KIF15: variants seen among roughly 807,000 people sequenced by gnomAD.
KIF15 encodes the protein kinesin family member 15, also known as kinesin-like protein KIF15.
A neutral mutation model predicts 190.6 loss-of-function variants in KIF15; 140 were observed. The ratio of observed to expected loss-of-function variants is 0.73; its 90% CI spans 0.64 to 0.84. The LOEUF (loss-of-function observed/expected upper bound fraction) is 0.84. Ranked by LOEUF, KIF15 falls within the 40% of genes least tolerant of loss-of-function variation. The probability of loss-of-function intolerance (pLI) is 0.00; values close to 1 mark genes in which losing one functional copy is unlikely to be tolerated. For synonymous variants in KIF15, 528 were observed against 551.3 expected (o/e 0.96, Z 0.59); for missense variants, 1,372 against 1,584.4 (o/e 0.87, Z 2.28).
At chr3:44,804,861 C>T (rs1358579825) in intron 14 of KIF15, among the ~76,000 whole-genome samples, 166 bp from the exon 15 acceptor site, 1 of 152,028 alleles carries the variant, frequency 6.6e-6, no homozygotes, top group Non-Finnish European at 1.5e-5. Context: ...GTAGTCCCAA[C>T]TATTTGGGAG....
intron 30 of KIF15, among the ~76,000 whole-genome samples, chr3:44,845,970 C>T (rs1698830340): frequency 6.6e-6 from 1 of 152,204 alleles, no homozygotes; most frequent in Non-Finnish European, 1.5e-5. Flanking sequence ...CCCAACTCCC[C>T]TGGATACATT....
At chr3:44,860,675 T>C (rs1699231856) in intron 6 of KIF15, among the ~76,000 whole-genome samples, 1 of 151,776 alleles carries the variant, frequency 6.6e-6, no homozygotes, top group East Asian at 1.9e-4. Flanking sequence ...CCTGGCCTTA[T>C]CCGTGCTTTT....
intron 20 of KIF15, among the ~76,000 whole-genome samples, chr3:44,821,543 G>A (rs1017401234): frequency 2.7e-5 from 4 of 150,726 alleles, no homozygotes; most frequent in Non-Finnish European, 5.9e-5. Flanking sequence ...GGGCAGAGAC[G>A]CTCCTCACTT....
At position 44,797,858 on chromosome 3, in the gene KIF15, A is replaced by G. The variant is rs529638960; in HGVS notation, c.1000A>G (p.Thr334Ala). Reference sequence around the variant, plus strand: ...GGATTCCCTTGGAGGTAATGCCAAAACAGCCATAATTGCAAATGTTCATCC... The same window carrying G: ...GGATTCCCTTGGAGGTAATGCCAAAGCAGCCATAATTGCAAATGTTCATCC... ...LRDSLGGNAK[T>A]AIIANVHPGS... Residue 334 changes from threonine (T) to alanine (A), a missense_variant, in exon 10 of 35, where the codon ACA becomes GCA. Coordinates refer to ENST00000326047, the MANE Select transcript of KIF15 (RefSeq NM_020242.3). The G allele has an allele frequency of 1.9e-6, 3 of 1,613,684 alleles. No individual in the cohort carries two copies. Among genetic ancestry groups the G allele is most frequent in the South Asian group, 1.1e-5 (1 of 91,022 alleles).
chr3:44,780,981 A>G, intron 5 of KIF15, 59 bp downstream of exon 5: 1 of 1,251,312 alleles, frequency 8.0e-7, no homozygotes, highest in Non-Finnish European at 1.1e-6. Context: ...ACAGTAACCT[A>G]CAACATTTTG....
Position 44,805,158 on chromosome 3 carries a change from G to T in KIF15, c.1819G>T (p.Glu607Ter). ...AAAGCAAGAATATGAAGAATTCAAA[G>T]AACTTACTAGGTAAAGTCTAAATAC... ...NSKQEYEEFKELTRKRQLELE... is the reference protein window; with the variant it reads ...NSKQEYEEFK Residue 607 changes from glutamate to a stop codon, truncating the protein, a stop_gained, in exon 15 of 35, where the codon GAA becomes TAA. Transcript: ENST00000326047. LOFTEE classifies it high-confidence loss of function. 1 of 1,610,550 alleles carries T rather than the reference G, an allele frequency of 6.2e-7. No individual in the cohort carries two copies.
At chr3:44,803,918 C>A (rs1365174449) in intron 14 of KIF15, among the ~76,000 whole-genome samples, 2 of 152,046 alleles carry the variant, frequency 1.3e-5, no homozygotes, top group African/African-American at 4.8e-5. Context: ...GTGGTGCGAT[C>A]TCGGCTCACT....
intron 7 of KIF15, among the ~76,000 whole-genome samples, chr3:44,790,704 T>C (rs1386143233): frequency 6.9e-6 from 1 of 144,510 alleles, no homozygotes; most frequent in African/African-American, 2.6e-5. Flanking sequence ...TCTTTTTTTT[T>C]TTTTTTTTTT....
At chr3:44,820,261 T>C (rs1168904532) in intron 20 of KIF15, among the ~76,000 whole-genome samples, 3 of 152,172 alleles carry the variant, frequency 2.0e-5, no homozygotes, top group African/African-American at 7.2e-5. Flanking sequence ...AATATTGTTA[T>C]GTGTGAATTT....
At chr3:44,843,868 A>T (rs185966161) in intron 30 of KIF15, among the ~76,000 whole-genome samples, 1 of 152,218 alleles carries the variant, frequency 6.6e-6, no homozygotes, top group Non-Finnish European at 1.5e-5. Context: ...AATGAAGAAA[A>T]TGTTCATTTT....
intron 16 of KIF15, among the ~76,000 whole-genome samples, chr3:44,809,058 C>T (rs1319374558): frequency 6.6e-6 from 1 of 152,164 alleles, no homozygotes; most frequent in African/African-American, 2.4e-5. Flanking sequence ...AGCTGAAGCT[C>T]CCTCCTAGTG....
intron 23 of KIF15, 27 bp from the exon 24 acceptor site, chr3:44,828,187 T>C: frequency 6.5e-7 from 1 of 1,541,488 alleles, no homozygotes; most frequent in Non-Finnish European, 9.0e-7. Context: ...TAATTATTCT[T>C]CTAAAAATAT....
chr3:44,827,300 G>A (rs930228823), intron 22 of KIF15, 159 bp from the exon 23 acceptor site: 8 of 573,966 alleles, frequency 1.4e-5, no homozygotes, highest in Non-Finnish European at 2.5e-5. Flanking sequence ...AATTTTTGAA[G>A]AAATGGGTTC....
At chr3:44,834,660 C>T (rs1278180879) in intron 26 of KIF15, among the ~76,000 whole-genome samples, 4 of 151,924 alleles carry the variant, frequency 2.6e-5, no homozygotes, top group African/African-American at 4.8e-5. Flanking sequence ...CTGTGGCTCA[C>T]GCCTGTAATC....
intron 29 of KIF15, among the ~76,000 whole-genome samples, 175 bp downstream of exon 29, chr3:44,841,413 T>G (rs1286099061): frequency 2.6e-5 from 4 of 151,814 alleles, no homozygotes; most frequent in Non-Finnish European, 5.9e-5. Context: ...TTGTTTTTTT[T>G]TTGAGACGGA....
intron 6 of KIF15, chr3:44,863,298 G>GCACCCCCCC (rs1699280146): frequency 2.6e-5 from 1 of 38,726 alleles, no homozygotes; most frequent in Non-Finnish European, 5.7e-5. Context: ...TTTAGATTCC[G>GCACCCCCCC]CACCCCCCCC....
At chr3:44,781,702 A>G (rs1440987316) in intron 5 of KIF15, among the ~76,000 whole-genome samples, 1 of 152,232 alleles carries the variant, frequency 6.6e-6, no homozygotes, top group Non-Finnish European at 1.5e-5. Flanking sequence ...TATACTTGAA[A>G]TTGTCAATTT....
intron 4 of KIF15, among the ~76,000 whole-genome samples, chr3:44,779,155 C>T (rs1363066669): frequency 2.0e-5 from 3 of 152,084 alleles, no homozygotes; most frequent in Non-Finnish European, 4.4e-5. Flanking sequence ...CCAATGGGCC[C>T]TCCTTGAGGT....
chr3:44,805,134 A>G lies in KIF15; in HGVS notation c.1795A>G (p.Lys599Glu). The change falls in exon 15 of 35, where the codon AAG (lysine) becomes GAG (glutamate). Residue 599 changes from lysine (K) to glutamate (E), a missense_variant. By Grantham distance (56) the Lys-to-Glu change is moderately conservative (BLOSUM62 1). Coordinates refer to ENST00000326047, the MANE Select transcript of KIF15 (RefSeq NM_020242.3). Reference sequence around the variant, plus strand: ...AATTCAGACAGAGCTGAATAATTCAAAGCAAGAATATGAAGAATTCAAAGA... The same window carrying G: ...AATTCAGACAGAGCTGAATAATTCAGAGCAAGAATATGAAGAATTCAAAGA... ...LQIQTELNNS[K>E]QEYEEFKELT... is the part of the protein sequence containing the mutation. 6.2e-7 allele frequency: 1 copy of G among 1,613,166 alleles called. No homozygotes were observed.
Sources: allele counts gnomAD v4.1 joint callset (sites outside exome capture counted in the v4.1 genomes callset), GRCh38; gene constraint gnomAD v4.1.1; transcripts MANE v1.5; gene names NCBI Gene and HGNC (gene_info 2026-07-23, HGNC 2026-07-21).